Variants in DLGAP2 observed in about 807,000 individuals in gnomAD.
DLGAP2 encodes the protein disks large-associated protein 2.
A neutral mutation model predicts 100.3 loss-of-function variants in DLGAP2; 26 were observed. The ratio of observed to expected loss-of-function variants is 0.26; its 90% CI spans 0.19 to 0.36. The LOEUF (loss-of-function observed/expected upper bound fraction) is 0.36. Ranked by LOEUF, DLGAP2 falls within the 10% of genes least tolerant of loss-of-function variation. The pLI is 1.00. For missense variants in DLGAP2, 1,858 were observed against 1,453.2 expected (o/e 1.28, Z -4.53); for synonymous variants, 886 against 630.1 (o/e 1.41, Z -6.08).
chr8:1,664,826 T>C (rs1012954019), intron 8 of DLGAP2, among the ~76,000 whole-genome samples: 3 of 152,204 alleles, frequency 2.0e-5, no homozygotes, highest in Admixed American at 2.0e-4. Flanking sequence ...CAAACCACGT[T>C]TTCGTTTTAG....
Position 1,169,900 on chromosome 8 carries a change from C to A in DLGAP2, c.74-88951C>A, listed in dbSNP as rs541935352. Among the ~76,000 whole-genome samples the A allele has an allele frequency of 2.0e-5, 3 of 152,096 alleles. No homozygotes were observed. In the South Asian group the frequency reaches 6.3e-4, roughly 32 times the overall value. The stretch of plus-strand genomic sequence containing the variant: ...TCCTTCTCCTGCCTAATTGCCCTGG[C>A]TAGAACTTCCAACACTAGGTTGAAT... On this transcript the variant is annotated intron_variant, in intron 2 of 14. Coordinates refer to ENST00000637795, the MANE Select transcript of DLGAP2 (RefSeq NM_001346810.2).
intron 2 of DLGAP2, among the ~76,000 whole-genome samples, chr8:1,240,971 G>A (rs1358384615): frequency 2.3e-4 from 2 of 8,518 alleles, no homozygotes; most frequent in South Asian, 3.2e-3. Flanking sequence ...ACATGGCGCC[G>A]TGTCTAGTTC....
chr8:1,331,639 G>A (rs1801160234), intron 3 of DLGAP2, among the ~76,000 whole-genome samples: 1 of 152,128 alleles, frequency 6.6e-6, no homozygotes, highest in Non-Finnish European at 1.5e-5. Context: ...ATCTCAGTTT[G>A]GTGTCAACAT....
At position 1,626,728 on chromosome 8, in the gene DLGAP2, T is replaced by A; in HGVS notation, c.1443-12T>A. 6.3e-7 allele frequency: 1 copy of A among 1,590,160 alleles called. No individual in the cohort carries two copies. The highest frequency in any genetic ancestry group is 1.2e-5 in the South Asian group (1 of 86,712). Reference sequence around the variant, plus strand: ...TCACAGAATGCCTTTTCTCCTTTCTTCTTTCCTGTAGCCAGACCTACCTGC... The same window carrying A: ...TCACAGAATGCCTTTTCTCCTTTCTACTTTCCTGTAGCCAGACCTACCTGC... On this transcript the variant is annotated splice_polypyrimidine_tract_variant and intron_variant, in intron 6 of 14. Coordinates refer to ENST00000637795, the MANE Select transcript of DLGAP2 (RefSeq NM_001346810.2).
At chr8:1,614,985 C>G (rs1797104157) in intron 6 of DLGAP2, among the ~76,000 whole-genome samples, 1 of 152,250 alleles carries the variant, frequency 6.6e-6, no homozygotes, top group Non-Finnish European at 1.5e-5. Context: ...TGAGTTCCCT[C>G]TGAGCACCCT....
intron 4 of DLGAP2, among the ~76,000 whole-genome samples, chr8:1,509,328 C>CAAAA (rs11307586): frequency 7.3e-6 from 1 of 137,768 alleles, no homozygotes; most frequent in African/African-American, 2.6e-5. Flanking sequence ...AGACTCCGTC[C>CAAAA]AAAAAAAAAA....
At chr8:797,160 C>T (rs1796052762) in intron 1 of DLGAP2, among the ~76,000 whole-genome samples, 1 of 152,190 alleles carries the variant, frequency 6.6e-6, no homozygotes, top group Non-Finnish European at 1.5e-5. Flanking sequence ...GTAGTCACCA[C>T]CCAAGAAGAA....
At chr8:1,227,032 C>G (rs1798430062) in intron 2 of DLGAP2, among the ~76,000 whole-genome samples, 1 of 150,574 alleles carries the variant, frequency 6.6e-6, no homozygotes, top group Non-Finnish European at 1.5e-5. Context: ...AACAAAATCA[C>G]CACCTCGGAA....
At chr8:1,224,950 T>C (rs11776363) in intron 2 of DLGAP2, among the ~76,000 whole-genome samples, 45,364 of 152,188 alleles carry the variant, frequency 0.3, 7,089 homozygotes, top group East Asian at 0.57. Flanking sequence ...TGACAAGAGT[T>C]AGCAAGGATA....
chr8:967,816 CTATATATATATATATATA>C (rs1175736398), intron 2 of DLGAP2, among the ~76,000 whole-genome samples: 1 of 2,582 alleles, frequency 3.9e-4, no homozygotes, highest in African/African-American at 5.4e-4. Context: ...TTGAACACCA[CTATATATATATATATATA>C]TATATATATA....
intron 12 of DLGAP2, among the ~76,000 whole-genome samples, chr8:1,687,940 A>T (rs1454858173): frequency 2.0e-5 from 3 of 152,224 alleles, no homozygotes; most frequent in Admixed American, 6.5e-5. Context: ...TACAAAAGAA[A>T]TAGAAATTCA....
At chr8:896,472 G>C (rs182764926) in intron 1 of DLGAP2, among the ~76,000 whole-genome samples, 49 of 152,204 alleles carry the variant, frequency 3.2e-4, no homozygotes, top group African/African-American at 1.1e-3. Flanking sequence ...CTAATTTTGG[G>C]GTACCCATCC....
intron 3 of DLGAP2, among the ~76,000 whole-genome samples, chr8:1,355,652 C>T (rs548238887): frequency 1.2e-4 from 19 of 152,148 alleles, no homozygotes; most frequent in South Asian, 1.0e-3. Context: ...CATGAGCCAC[C>T]GCACCTGGCC....
At chr8:1,344,668 C>G (rs531567608) in intron 3 of DLGAP2, among the ~76,000 whole-genome samples, 3 of 152,280 alleles carry the variant, frequency 2.0e-5, no homozygotes, top group South Asian at 4.1e-4. Flanking sequence ...TCCACTCATT[C>G]TCCACTCAGT....
At chr8:1,183,675 A>C (rs1321077349) in intron 2 of DLGAP2, among the ~76,000 whole-genome samples, 1 of 152,180 alleles carries the variant, frequency 6.6e-6, no homozygotes, top group Non-Finnish European at 1.5e-5. Context: ...CCCAGGAGAC[A>C]GGGCAGAGAA....
intron 3 of DLGAP2, among the ~76,000 whole-genome samples, chr8:1,304,240 C>G (rs1446762013): frequency 1.3e-5 from 2 of 152,206 alleles, no homozygotes; most frequent in African/African-American, 2.4e-5. Context: ...TGTAGGAGCC[C>G]TGAGCATGGG....
At chr8:988,645 T>C (rs1156866477) in intron 2 of DLGAP2, among the ~76,000 whole-genome samples, 1 of 152,134 alleles carries the variant, frequency 6.6e-6, no homozygotes, top group Admixed American at 6.5e-5. Flanking sequence ...TCTCCTGGGC[T>C]CCTGCCTCCT....
chr8:793,318 G>T (rs1213954245), intron 1 of DLGAP2, among the ~76,000 whole-genome samples: 1 of 152,178 alleles, frequency 6.6e-6, no homozygotes, highest in Non-Finnish European at 1.5e-5. Context: ...CCTTCTACCA[G>T]TCAGTATGGT....
intron 6 of DLGAP2, among the ~76,000 whole-genome samples, chr8:1,578,768 C>G (rs1259535588): frequency 6.6e-6 from 1 of 152,100 alleles, no homozygotes; most frequent in Admixed American, 6.6e-5. Context: ...GCCTTTTGCT[C>G]TCAAAAATAA....
Sources: gnomAD v4.1 joint callset for allele counts (sites outside exome capture counted in the v4.1 genomes callset) on GRCh38, gnomAD v4.1.1 for gene constraint, MANE v1.5 for transcripts, NCBI Gene and HGNC (gene_info 2026-07-23, HGNC 2026-07-21) for gene names.